The following AARS1 variants were observed in gnomAD, a reference collection of about 807,000 sequenced individuals.
AARS1 encodes the protein alanyl-tRNA synthetase 1, also known as alanine--tRNA ligase, cytoplasmic.
AARS1 carries 72 observed loss-of-function variants against 108.9 expected under a neutral mutation model. The observed-to-expected ratio is 0.66, with a 90% confidence interval of 0.55 to 0.80. The LOEUF is 0.80. Ranked by LOEUF, AARS1 falls within the 30% of genes least tolerant of loss-of-function variation. AARS1 has a pLI of 0.00. For synonymous variants in AARS1, 489 were observed against 465.7 expected, an observed-to-expected ratio of 1.05 and a Z score of -0.64; for missense variants, 1,193 against 1,233.2, an observed-to-expected ratio of 0.97 and a Z score of 0.49.
At chr16:70,271,579 T>C (rs1960404144) in intron 5 of AARS1, among the ~76,000 whole-genome samples, 2 of 151,452 alleles carry the variant, frequency 1.3e-5, no homozygotes, top group Admixed American at 1.3e-4. Flanking sequence ...AGCATGACAT[T>C]ATAGGAATAG....
intron 11 of AARS1, among the ~76,000 whole-genome samples, chr16:70,262,848 G>T (rs889468542): frequency 2.0e-5 from 3 of 150,944 alleles, no homozygotes; most frequent in Admixed American, 6.6e-5. Flanking sequence ...GGCACCTGTA[G>T]TCCCAGCTAC....
chr16:70,268,447 C>G (rs1412077423), intron 7 of AARS1, 68 bp from the exon 8 acceptor site: 2 of 1,347,448 alleles, frequency 1.5e-6, no homozygotes, highest in Non-Finnish European at 2.1e-6. Context: ...CCTTGGAATC[C>G]TACCCAAAGC....
chr16:70,289,045 G>C (rs1020499632), intron 1 of AARS1, among the ~76,000 whole-genome samples: 2 of 152,016 alleles, frequency 1.3e-5, no homozygotes, highest in African/African-American at 4.8e-5. Context: ...GGTGCGCCTG[G>C]ACCGGCATCA....
rs552827960 is a variant in AARS1 at position 70,285,740 on chromosome 16, C to T, written c.-21-2956G>A. On this transcript the variant is annotated intron_variant, in intron 1 of 20. Transcript: ENST00000261772. The stretch of plus-strand genomic sequence containing the variant: ...CTAGGATTACAGGCATGAGCCACCG[C>T]GCCCAGCTAATTTCTGTTTTTGTTA... 9.2e-5 allele frequency among the ~76,000 whole-genome samples: 14 copies of T among 152,220 alleles called. No homozygotes were observed. The East Asian group carries it at 1.5e-3, about 17-fold the overall frequency.
rs1184136903 is a variant in AARS1, at chr16:70,262,324, CAAGG to C, written c.1671+18_1671+21del. 6.2e-7 allele frequency: 1 copy of C among 1,614,162 alleles called. No individual in the cohort carries two copies. Among genetic ancestry groups the C allele is most frequent in the African/African-American group, 1.3e-5 (1 of 75,052 alleles). ...TCCACGCCTGGCCCTCCTCGGCTAA[CAAGG>C]AAGAACTGTTGGCTCACATCTTCAC... On this transcript the variant is annotated intron_variant, in intron 12 of 20. Coordinates refer to ENST00000261772, the MANE Select transcript of AARS1 (RefSeq NM_001605.3).
chr16:70,252,679 G>A lies in AARS1; in HGVS notation c.*42C>T, dbSNP rs750602913. 1 of 1,605,572 alleles carries A rather than the reference G, an allele frequency of 6.2e-7. No homozygotes were observed. The highest frequency in any genetic ancestry group is 8.5e-7 in the Non-Finnish European group (1 of 1,173,644). ...TTCTTGTAGCAGATGAAGAGCTCTT[G>A]GCTGGACGGATGGATCCAGTGGGAG... On this transcript the variant is annotated 3_prime_UTR_variant, in exon 21 of 21. Transcript: ENST00000261772.
At chr16:70,265,253 C>G in intron 10 of AARS1, 151 bp from the exon 11 acceptor site, 1 of 1,114,928 alleles carries the variant, frequency 9.0e-7, no homozygotes, top group South Asian at 1.3e-5. Flanking sequence ...AGATCATTCT[C>G]TGTTGTGGAA....
chr16:70,261,447 A>C, intron 12 of AARS1: 1 of 329,484 alleles, frequency 3.0e-6, no homozygotes, highest in South Asian at 2.5e-5. Flanking sequence ...AAAATACAAA[A>C]ATTAGCCAGG....
chr16:70,265,291 G>A, intron 10 of AARS1, 189 bp from the exon 11 acceptor site: 1 of 923,950 alleles, frequency 1.1e-6, no homozygotes, highest in Non-Finnish European at 1.7e-6. Flanking sequence ...GGATGCTGAG[G>A]GGCACCCTGG....
At position 70,255,836 on chromosome 16, in the gene AARS1, C is replaced by A. The variant is rs1237792620; in HGVS notation, c.2178G>T (p.Thr726=). 1.2e-6 allele frequency: 2 copies of A among 1,612,564 alleles called. No individual in the cohort carries two copies. The highest frequency in any genetic ancestry group is 1.3e-5 in the African/African-American group (1 of 75,028). ...CTGCATGACTCGAGTTCCGCAGGTG[C>A]CTGAATGGCAGAACACAAAGTCCAT... The part of the protein sequence containing the change: ...SLTSVEFCGG[T]HLRNSSHAGA... Residue 726 remains threonine (T), a splice_region_variant and synonymous_variant, in exon 16 of 21, where the codon ACG becomes ACT. Coordinates refer to ENST00000261772, the MANE Select transcript of AARS1 (RefSeq NM_001605.3).
Position 70,280,919 on chromosome 16 carries a change from C to G in AARS1, c.144+1701G>C, listed in dbSNP as rs148227208. Among the ~76,000 whole-genome samples, 36 of 152,280 alleles carry G rather than the reference C, an allele frequency of 2.4e-4. 1 individual carries two copies. The East Asian group carries it at 7.0e-3, about 29-fold the overall frequency. On this transcript the variant is annotated intron_variant, in intron 2 of 20. Coordinates refer to ENST00000261772, the MANE Select transcript of AARS1 (RefSeq NM_001605.3). ...CAGGGATCACCATAGCCTTGACCTCCCAGGCTCAAGCAATCGTCCCGCCTC... is the reference window on the plus strand; with the variant it reads ...CAGGGATCACCATAGCCTTGACCTCGCAGGCTCAAGCAATCGTCCCGCCTC...
At chr16:70,274,030 CG>C (rs1483780249) in intron 4 of AARS1, among the ~76,000 whole-genome samples, 1 of 150,510 alleles carries the variant, frequency 6.6e-6, no homozygotes, top group Non-Finnish European at 1.5e-5. Flanking sequence ...CTCAAAAAAA[CG>C]AAACAAAAAA....
chr16:70,261,362 C>A (rs58467558), intron 12 of AARS1: 5 of 428,248 alleles, frequency 1.2e-5, no homozygotes, highest in South Asian at 2.1e-5. Context: ...TTGGGAGGCT[C>A]AGGTGAGTAG....
At chr16:70,269,898 A>C in intron 6 of AARS1, 135 bp from the exon 7 acceptor site, 1 of 1,205,182 alleles carries the variant, frequency 8.3e-7, no homozygotes, top group Non-Finnish European at 1.2e-6. Context: ...AACCCCAAGA[A>C]CGTGACATTG....
chr16:70,261,597 C>CAA (rs1182697811), intron 12 of AARS1, among the ~76,000 whole-genome samples: 899 of 58,334 alleles, frequency 0.015, 21 homozygotes, highest in African/African-American at 0.05. Context: ...GACTCCATCT[C>CAA]AAAAAAAAAA....
At chr16:70,280,950 C>T (rs980947339) in intron 2 of AARS1, among the ~76,000 whole-genome samples, 19 of 152,170 alleles carry the variant, frequency 1.2e-4, no homozygotes, top group Non-Finnish European at 1.9e-4. Context: ...GCCTCAGCCT[C>T]CCCAGAAGCT....
At chr16:70,262,054 G>C (rs1261107229) in intron 12 of AARS1, among the ~76,000 whole-genome samples, 1 of 152,178 alleles carries the variant, frequency 6.6e-6, no homozygotes, top group African/African-American at 2.4e-5. Flanking sequence ...AGAGCTCGAG[G>C]CTGAGTTTTC....
chr16:70,285,135 G>A (rs1328424423), intron 1 of AARS1, among the ~76,000 whole-genome samples: 2 of 151,870 alleles, frequency 1.3e-5, no homozygotes, highest in Admixed American at 6.6e-5. Context: ...AGGCTGAGAT[G>A]GGAGAATCGC....
chr16:70,280,277 C>T (rs1313642084), intron 2 of AARS1, among the ~76,000 whole-genome samples: 1 of 151,836 alleles, frequency 6.6e-6, no homozygotes, highest in Non-Finnish European at 1.5e-5. Flanking sequence ...AGTGCAGTGG[C>T]GTGATCTCGG....
Sources: gnomAD v4.1 joint callset for allele counts (sites outside exome capture counted in the v4.1 genomes callset) on GRCh38, gnomAD v4.1.1 for gene constraint, MANE v1.5 for transcripts, NCBI Gene and HGNC (gene_info 2026-07-23, HGNC 2026-07-21) for gene names.